TSPAN14: variants seen among roughly 807,000 people sequenced by gnomAD.
TSPAN14 encodes tetraspanin 14.
In TSPAN14, 16 loss-of-function variants were observed where a neutral mutation model predicts 36.6. The observed-to-expected ratio is 0.44, with a 90% CI of 0.30 to 0.66. The LOEUF (loss-of-function observed/expected upper bound fraction) is 0.66, where lower values mean the gene tolerates loss of function less well. Among genes scored for constraint, TSPAN14 ranks in the 30% least tolerant of loss-of-function variants. The probability of loss-of-function intolerance (pLI) is 0.12; values close to 1 mark genes in which losing one functional copy is unlikely to be tolerated. For synonymous variants in TSPAN14, 139 were observed against 143.8 expected (o/e 0.97, Z 0.24); for missense variants, 231 against 355.1 (o/e 0.65, Z 2.81).
chr10:80,480,087 C>G (rs1414330729), intron 1 of TSPAN14, among the ~76,000 whole-genome samples: 1 of 150,614 alleles, frequency 6.6e-6, no homozygotes, highest in Admixed American at 6.6e-5. Flanking sequence ...TGATTTGGCT[C>G]TCTGTTTGTC....
At chr10:80,455,976 A>G (rs774609420) in intron 1 of TSPAN14, among the ~76,000 whole-genome samples, 27 of 152,148 alleles carry the variant, frequency 1.8e-4, no homozygotes, top group African/African-American at 2.4e-4. Context: ...TTGCACCCCA[A>G]CTTCAGTTGG....
chr10:80,492,542 C>T (rs1027425790), intron 2 of TSPAN14, among the ~76,000 whole-genome samples: 7 of 152,146 alleles, frequency 4.6e-5, no homozygotes, highest in African/African-American at 1.2e-4. Flanking sequence ...ACAGGCCTGG[C>T]GCGGTGGCTC....
chr10:80,492,853 TATAG>T (rs1184412544), intron 2 of TSPAN14, among the ~76,000 whole-genome samples: 3 of 152,196 alleles, frequency 2.0e-5, no homozygotes, highest in Admixed American at 6.5e-5. Context: ...TAGCATTCTT[TATAG>T]ATAAATACCG....
At chr10:80,501,409 C>T (rs1226801113) in intron 2 of TSPAN14, among the ~76,000 whole-genome samples, 1 of 151,716 alleles carries the variant, frequency 6.6e-6, no homozygotes, top group Non-Finnish European at 1.5e-5. Flanking sequence ...CCACTGTTCT[C>T]AGCCTGAGGC....
chr10:80,493,529 G>A (rs767656544), intron 2 of TSPAN14, among the ~76,000 whole-genome samples: 16 of 152,218 alleles, frequency 1.1e-4, no homozygotes, highest in Non-Finnish European at 1.5e-5. Flanking sequence ...AGATGATTGA[G>A]TGGATAACCA....
At chr10:80,474,560 C>T (rs180903352) in intron 1 of TSPAN14, among the ~76,000 whole-genome samples, 19 of 151,900 alleles carry the variant, frequency 1.3e-4, no homozygotes, top group Admixed American at 1.1e-3. Flanking sequence ...TGGGTGGGGC[C>T]CCTTGGTCCA....
chr10:80,480,674 G>T (rs530540811), intron 1 of TSPAN14, among the ~76,000 whole-genome samples: 2 of 151,918 alleles, frequency 1.3e-5, no homozygotes, highest in Non-Finnish European at 2.9e-5. Flanking sequence ...GTAAACTGTC[G>T]CAAGAACAAA....
intron 1 of TSPAN14, among the ~76,000 whole-genome samples, chr10:80,466,997 G>A (rs1158517231): frequency 6.6e-6 from 1 of 152,228 alleles, no homozygotes; most frequent in Non-Finnish European, 1.5e-5. Context: ...TCAGCAGAAA[G>A]GACTGGTAAG....
chr10:80,501,901 G>A (rs1451761127), intron 2 of TSPAN14, among the ~76,000 whole-genome samples: 5 of 135,318 alleles, frequency 3.7e-5, no homozygotes, highest in East Asian at 1.9e-4. Context: ...AGCCCTCCTC[G>A]TTGTTGGGCT....
At chr10:80,476,511 G>T (rs1341874794) in intron 1 of TSPAN14, among the ~76,000 whole-genome samples, 1 of 146,114 alleles carries the variant, frequency 6.8e-6, no homozygotes, top group Admixed American at 7.1e-5. Flanking sequence ...CGCCTCCCGG[G>T]TTCACGCCAT....
At chr10:80,468,506 C>T (rs1846360756) in intron 1 of TSPAN14, 1 of 152,122 alleles carries the variant, frequency 6.6e-6, no homozygotes, top group South Asian at 2.1e-4. Flanking sequence ...GGCTTTCTTC[C>T]CATGACTTGC....
At chr10:80,485,409 A>C (rs1211007753) in intron 1 of TSPAN14, among the ~76,000 whole-genome samples, 1 of 152,120 alleles carries the variant, frequency 6.6e-6, no homozygotes, top group African/African-American at 2.4e-5. Context: ...ATTTTTGTGT[A>C]AATGCCCTAG....
At chr10:80,458,032 G>T (rs1014432142) in intron 1 of TSPAN14, among the ~76,000 whole-genome samples, 3 of 152,164 alleles carry the variant, frequency 2.0e-5, no homozygotes, top group African/African-American at 7.2e-5. Flanking sequence ...AGGGGATTAG[G>T]TTCCTGCTGC....
chr10:80,466,521 A>G (rs940113336), intron 1 of TSPAN14: 1 of 152,196 alleles, frequency 6.6e-6, no homozygotes, highest in Non-Finnish European at 1.5e-5. Context: ...TCGGACTCCC[A>G]AAGTGCTAGG....
intron 1 of TSPAN14, among the ~76,000 whole-genome samples, chr10:80,480,920 T>TA (rs1330432778): frequency 6.6e-6 from 1 of 151,956 alleles, no homozygotes; most frequent in Non-Finnish European, 1.5e-5. Context: ...CCCTAAAACT[T>TA]AAAGTATAAT....
chr10:80,459,762 T>A (rs539737407), intron 1 of TSPAN14, among the ~76,000 whole-genome samples: 136 of 152,176 alleles, frequency 8.9e-4, no homozygotes, highest in African/African-American at 3.2e-3. Context: ...TGGAAGGAAA[T>A]GGGCCTCTCC....
At chr10:80,459,104 C>T (rs1845858987) in intron 1 of TSPAN14, among the ~76,000 whole-genome samples, 2 of 152,278 alleles carry the variant, frequency 1.3e-5, no homozygotes, top group East Asian at 1.9e-4. Flanking sequence ...GATCCAAAGC[C>T]CCTGAGTTAG....
chr10:80,471,019 C>G lies in TSPAN14; in HGVS notation c.-18+16648C>G, dbSNP rs146680352. ...CTAGATGTGCTGCCCTCATCTAGTACAAATTTAAACTAGCTGCTTTAGGGA... is the reference window on the plus strand; with the variant it reads ...CTAGATGTGCTGCCCTCATCTAGTAGAAATTTAAACTAGCTGCTTTAGGGA... On this transcript the variant is annotated intron_variant, in intron 1 of 8. Coordinates refer to ENST00000429989, the Ensembl canonical transcript of TSPAN14. 8.8e-4 allele frequency among the ~76,000 whole-genome samples: 134 copies of G among 152,240 alleles called. 2 individuals are homozygous for G. The highest frequency in any genetic ancestry group is 3.2e-3 in the African/African-American group (132 of 41,538).
At chr10:80,520,060 G>C (rs955512748) in exon 9 of TSPAN14, 1 of 157,258 alleles carries the variant, frequency 6.4e-6, no homozygotes, top group Admixed American at 6.1e-5. Flanking sequence ...GGGCACTGCT[G>C]CTGCATGAGC....
Sources: allele counts gnomAD v4.1 joint callset (sites outside exome capture counted in the v4.1 genomes callset), GRCh38; gene constraint gnomAD v4.1.1; transcripts MANE v1.5; gene names NCBI Gene and HGNC (gene_info 2026-07-23, HGNC 2026-07-21).